The following TCF12 variants were observed in gnomAD, a reference collection of about 807,000 sequenced individuals.
TCF12 encodes the protein transcription factor 12, also known as DNA-binding protein HTF4.
Under a neutral mutation model 86.0 loss-of-function variants are expected in TCF12, and 45 were observed. The ratio of observed to expected loss-of-function variants is 0.52; its 90% CI spans 0.41 to 0.67. The LOEUF is 0.67. Ranked by LOEUF, TCF12 falls within the 30% of genes least tolerant of loss-of-function variation. The probability of loss-of-function intolerance (pLI) is 0.00; values close to 1 mark genes in which losing one functional copy is unlikely to be tolerated. For synonymous variants in TCF12, 330 were observed against 299.6 expected, an observed-to-expected ratio of 1.10 and a Z score of -1.05; for missense variants, 881 against 859.9, an observed-to-expected ratio of 1.02 and a Z score of -0.31.
At chr15:57,104,555 C>T (rs1483719301) in intron 5 of TCF12, among the ~76,000 whole-genome samples, 2 of 148,592 alleles carry the variant, frequency 1.3e-5, no homozygotes, top group East Asian at 2.0e-4. Flanking sequence ...GATTCTCCTG[C>T]CTCAGCCTCC....
At chr15:57,068,006 T>C (rs1350170394) in intron 4 of TCF12, among the ~76,000 whole-genome samples, 1 of 152,200 alleles carries the variant, frequency 6.6e-6, no homozygotes, top group Non-Finnish European at 1.5e-5. Flanking sequence ...GTTGTTCTTG[T>C]TCACTAAGGT....
At position 57,156,640 on chromosome 15, in the gene TCF12, T is replaced by C. The variant is rs571911376; in HGVS notation, c.326-9762T>C. Among the ~76,000 whole-genome samples, 6 of 152,338 alleles carry C rather than the reference T, an allele frequency of 3.9e-5. No individual in the cohort carries two copies. In the South Asian group the frequency reaches 1.2e-3, roughly 32 times the overall value. On this transcript the variant is annotated intron_variant, in intron 5 of 20. Transcript: ENST00000333725. Reference sequence around the variant, plus strand: ...CCTTCATATGGCTTTATGCCATAGATGGAGGCTTGGAGTAGAATCTGTCCC... The same window carrying C: ...CCTTCATATGGCTTTATGCCATAGACGGAGGCTTGGAGTAGAATCTGTCCC...
intron 6 of TCF12, among the ~76,000 whole-genome samples, chr15:57,184,370 A>T (rs1042593393): frequency 4.6e-5 from 7 of 152,176 alleles, no homozygotes; most frequent in Non-Finnish European, 1.0e-4. Flanking sequence ...CCTAATATAA[A>T]TCACTCTCTT....
intron 6 of TCF12, among the ~76,000 whole-genome samples, chr15:57,182,199 A>AT (rs2056396277): frequency 6.6e-6 from 1 of 152,174 alleles, no homozygotes; most frequent in African/African-American, 2.4e-5. Context: ...AAGACAGAAA[A>AT]ATCAATAATA....
intron 3 of TCF12, among the ~76,000 whole-genome samples, chr15:56,965,949 T>A (rs1193557135): frequency 2.0e-5 from 3 of 152,164 alleles, no homozygotes; most frequent in Non-Finnish European, 4.4e-5. Context: ...CTTTAGAAAA[T>A]GTATTGCAAT....
intron 3 of TCF12, among the ~76,000 whole-genome samples, chr15:56,986,049 A>G (rs1401040063): frequency 5.3e-5 from 8 of 152,156 alleles, no homozygotes; most frequent in Admixed American, 2.0e-4. Context: ...GATGACTACA[A>G]TTTGAAACTT....
At chr15:57,073,013 A>G (rs567363496) in intron 4 of TCF12, among the ~76,000 whole-genome samples, 1 of 152,348 alleles carries the variant, frequency 6.6e-6, no homozygotes, top group African/African-American at 2.4e-5. Flanking sequence ...GAAAGCACAT[A>G]CTGATCAGAT....
At chr15:57,120,199 G>C (rs2051131289) in intron 5 of TCF12, among the ~76,000 whole-genome samples, 1 of 152,178 alleles carries the variant, frequency 6.6e-6, no homozygotes, top group African/African-American at 2.4e-5. Context: ...TTATGACTTT[G>C]CCGTCCTGGA....
intron 3 of TCF12, among the ~76,000 whole-genome samples, chr15:57,018,358 A>G (rs879671321): frequency 2.2e-4 from 33 of 152,246 alleles, no homozygotes; most frequent in Admixed American, 9.2e-4. Context: ...ACTTGTTGCA[A>G]TAGCAAGCAG....
chr15:57,058,442 G>C (rs1410806927), intron 3 of TCF12, among the ~76,000 whole-genome samples: 1 of 152,244 alleles, frequency 6.6e-6, no homozygotes, highest in East Asian at 1.9e-4. Flanking sequence ...CTGTACTGTG[G>C]CACTAAAAAC....
intron 6 of TCF12, among the ~76,000 whole-genome samples, chr15:57,171,231 C>CT (rs200719307): frequency 0.042 from 6,118 of 146,164 alleles, 357 homozygotes; most frequent in Admixed American, 0.17. Flanking sequence ...AGAAAGATAC[C>CT]TTTTTTTTTT....
intron 4 of TCF12, among the ~76,000 whole-genome samples, chr15:57,076,858 A>AT (rs554043967): frequency 1.3e-5 from 2 of 151,184 alleles, no homozygotes; most frequent in Admixed American, 1.3e-4. Flanking sequence ...GTCAACGTTA[A>AT]TTTTTTTTTC....
At position 57,288,373 on chromosome 15, in the gene TCF12, G is replaced by T. The variant is rs2061999986; in HGVS notation, c.*2228G>T. 1 of 152,568 alleles carries T rather than the reference G, an allele frequency of 6.6e-6. No homozygotes were observed. The highest frequency in any genetic ancestry group is 2.1e-4 in the South Asian group (1 of 4,828). 9.5% of individuals were successfully genotyped at this position (152,568 alleles called of 1,614,324 possible). ...TTGGTTTATTGCAGATTTGTATCCT[G>T]TGTCAAATTCAAGGTATTATTGATA... is the stretch of plus-strand genomic sequence containing the variant. On this transcript the variant is annotated 3_prime_UTR_variant, in exon 21 of 21. Coordinates refer to ENST00000333725, the MANE Select transcript of TCF12 (RefSeq NM_207037.2).
intron 19 of TCF12, among the ~76,000 whole-genome samples, chr15:57,274,787 T>C (rs2061304160): frequency 6.6e-6 from 1 of 152,176 alleles, no homozygotes; most frequent in East Asian, 1.9e-4. Context: ...TCAACAGGAG[T>C]ACCAGAATTT....
chr15:56,989,227 A>G (rs939107694), intron 3 of TCF12, among the ~76,000 whole-genome samples: 1 of 152,198 alleles, frequency 6.6e-6, no homozygotes, highest in African/African-American at 2.4e-5. Flanking sequence ...CTGCAAGCAG[A>G]GAATGGTGTT....
chr15:57,222,691 A>C (rs1422888033), intron 8 of TCF12, among the ~76,000 whole-genome samples: 1 of 150,468 alleles, frequency 6.6e-6, no homozygotes, highest in Non-Finnish European at 1.5e-5. Context: ...TGTCCTTTAC[A>C]CAGAAAGTGA....
At chr15:56,934,549 C>G (rs1354237670) in intron 3 of TCF12, among the ~76,000 whole-genome samples, 2 of 152,166 alleles carry the variant, frequency 1.3e-5, no homozygotes, top group African/African-American at 2.4e-5. Context: ...GTGATTAGGA[C>G]TTTGTGATGA....
At chr15:57,172,986 G>C (rs2055630976) in intron 6 of TCF12, among the ~76,000 whole-genome samples, 1 of 151,902 alleles carries the variant, frequency 6.6e-6, no homozygotes, top group Admixed American at 6.6e-5. Context: ...GGTGGCAGGA[G>C]GCTGAGGCGG....
intron 5 of TCF12, among the ~76,000 whole-genome samples, chr15:57,119,211 G>T (rs1206435782): frequency 6.6e-6 from 1 of 152,062 alleles, no homozygotes; most frequent in Admixed American, 6.6e-5. Context: ...TCCTGCCTCA[G>T]CCTCCTGAGT....
Sources: allele counts gnomAD v4.1 joint callset (sites outside exome capture counted in the v4.1 genomes callset), GRCh38; gene constraint gnomAD v4.1.1; transcripts MANE v1.5; gene names NCBI Gene and HGNC (gene_info 2026-07-23, HGNC 2026-07-21).